MACF1: variants seen among roughly 807,000 people sequenced by gnomAD.
The protein encoded by MACF1 is microtubule-actin cross-linking factor 1.
Under a neutral mutation model 854.8 loss-of-function variants are expected in MACF1, and 193 were observed. That is an observed-to-expected ratio of 0.23 (90% CI 0.20 to 0.25). MACF1 has a LOEUF of 0.25. MACF1 is among the 10% of genes least tolerant of loss of function. The pLI, the probability that MACF1 is intolerant of heterozygous loss-of-function variation, is 1.00. For synonymous variants in MACF1, 3,185 were observed against 3,226.7 expected (o/e 0.99, Z 0.44); for missense variants, 7,722 against 8,929.1 (o/e 0.86, Z 5.45).
Position 39,133,190 on chromosome 1 carries a change from C to G in MACF1, c.220+48752C>G, listed in dbSNP as rs1430463886. On this transcript the variant is annotated intron_variant, in intron 2 of 93. Transcript: ENST00000361689. ...CCTGTCCTCTGTCCTCACTAGCCGA[C>G]TTGGCTGCTTCCACCCTGGGGCTGG... 2.0e-5 allele frequency among the ~76,000 whole-genome samples: 3 copies of G among 152,324 alleles called. No homozygotes were observed. In the East Asian group the frequency reaches 5.8e-4, roughly 29 times the overall value.
intron 1 of MACF1, among the ~76,000 whole-genome samples, chr1:39,229,563 T>A (rs76231802): frequency 0.012 from 1,769 of 152,216 alleles, 31 homozygotes; most frequent in African/African-American, 0.04. Context: ...GTTCTCTGTC[T>A]TGGAAAAGAT....
rs748860971 is a variant in MACF1 at position 39,441,006 on chromosome 1, A to G, written c.18451A>G (p.Ile6151Val). Residue 6151 changes from isoleucine (I) to valine (V), a missense_variant, in exon 73 of 101, where the codon ATT becomes GTT. Physicochemically the swap from Ile to Val is conservative, Grantham distance 29. Transcript: ENST00000564288. The stretch of plus-strand genomic sequence containing the variant: ...TATTCTATTCGTTTACATGTAGACT[A>G]TTAAGGAAGAGACAGATGGTCTGCA... ...IKQQVEAAET[I>V]KEETDGLHEE... 1.2e-5 allele frequency: 20 copies of G among 1,614,178 alleles called. No homozygotes were observed. The highest frequency in any genetic ancestry group is 1.6e-5 in the Non-Finnish European group (19 of 1,180,024).
intron 2 of MACF1, among the ~76,000 whole-genome samples, chr1:39,152,209 G>A (rs989744423): frequency 6.6e-6 from 1 of 152,068 alleles, no homozygotes; most frequent in Admixed American, 6.6e-5. Flanking sequence ...TCCTGACTTT[G>A]TGATCCGCCC....
At chr1:39,207,391 C>T (rs1644463619) in intron 1 of MACF1, among the ~76,000 whole-genome samples, 1 of 151,928 alleles carries the variant, frequency 6.6e-6, no homozygotes, top group Non-Finnish European at 1.5e-5. Flanking sequence ...AGTGATTCTC[C>T]TGCCTCAGTC....
At chr1:39,257,411 T>A (rs1397645253) in intron 5 of MACF1, 1 of 153,044 alleles carries the variant, frequency 6.5e-6, no homozygotes, top group Non-Finnish European at 1.5e-5. Flanking sequence ...CACGCCATTC[T>A]CCTGCCTCAG....
At position 39,332,691 on chromosome 1, in the gene MACF1, T is replaced by C; in HGVS notation, c.6103T>C (p.Trp2035Arg). 1 of 1,614,114 alleles carries C rather than the reference T, an allele frequency of 6.2e-7. No individual in the cohort carries two copies. Among genetic ancestry groups the C allele is most frequent in the Non-Finnish European group, 8.5e-7 (1 of 1,180,006 alleles). The change falls in exon 37 of 101, where the codon TGG becomes CGG. Residue 2035 changes from tryptophan to arginine, a missense_variant. Trp to Arg is a moderately radical substitution (Grantham distance 101). This residue lies in a region of MACF1 where 1,531 missense variants were observed against 1,601.6 expected (regional missense o/e 0.96). Transcript: ENST00000564288. ...AATCTCAGGAACTTTCAGCAGTGGG[T>C]GGACTGTGAGGCTGCCTGAGTTCCA... The part of the protein sequence containing the change: ...VKISGTFSSG[W>R]TVRLPEFQFS...
chr1:39,091,144 C>T (rs957970254), intron 2 of MACF1, among the ~76,000 whole-genome samples: 3 of 152,156 alleles, frequency 2.0e-5, no homozygotes, highest in Non-Finnish European at 4.4e-5. Context: ...AAGCTGTGCC[C>T]CACCCCTACC....
In MACF1 at chr1:39,385,872, C is replaced by T; in HGVS notation, c.14287C>T (p.Leu4763=). The change falls in exon 57 of 101, where the codon CTG becomes TTG. Residue 4763 remains leucine (L), a synonymous_variant. Transcript: ENST00000564288. ...LIGEQYLKDE[L]KKRLETVALP... The stretch of plus-strand genomic sequence containing the variant: ...TGGTGAGCAGTACCTCAAGGATGAA[C>T]TGAAGAAGCGTTTGGAGACAGTTGC... 6.2e-7 allele frequency: 1 copy of T among 1,614,062 alleles called. No homozygotes were observed. The highest frequency in any genetic ancestry group is 2.2e-5 in the East Asian group (1 of 44,882).
rs143702095 is a variant in MACF1 at position 39,412,111 on chromosome 1, T to C, written c.15817-10263T>C. 4.3e-4 allele frequency: 702 copies of C among 1,613,872 alleles called. 2 individuals are homozygous for C. In the African/African-American group the frequency reaches 8.7e-3, roughly 20 times the overall value. ...TCACAGGGTTTCTCATGAAGAAAAA[T>C]TATCAGGCTTCATTGCTTCTGAGCT... On this transcript the variant is annotated intron_variant, in intron 58 of 100. Coordinates refer to ENST00000564288, the MANE Select transcript of MACF1 (RefSeq NM_001394062.1).
intron 52 of MACF1, among the ~76,000 whole-genome samples, chr1:39,375,212 C>T (rs1649611699): frequency 2.0e-5 from 3 of 152,000 alleles, no homozygotes. Context: ...TTATGAAATC[C>T]ATCAGTAAGA....
intron 2 of MACF1, among the ~76,000 whole-genome samples, chr1:39,145,111 A>G (rs1266032291): frequency 6.6e-6 from 1 of 152,076 alleles, no homozygotes; most frequent in African/African-American, 2.4e-5. Flanking sequence ...GTGCCACTGC[A>G]TAACAGTGTG....
chr1:39,222,895 T>C (rs561274824), intron 1 of MACF1, among the ~76,000 whole-genome samples: 1 of 152,210 alleles, frequency 6.6e-6, no homozygotes, highest in Non-Finnish European at 1.5e-5. Context: ...TGGTTCGTAA[T>C]GTACTGGGAC....
At position 39,486,747 on chromosome 1, in the gene MACF1, C is replaced by T. The variant is rs1645105326; in HGVS notation, c.*953C>T. ...TCCTTTAATGGAGTTCACCAGCACA[C>T]TTGTTAACCAGTCCTGTTTGCTTTC... On this transcript the variant is annotated 3_prime_UTR_variant, in exon 101 of 101. Transcript: ENST00000564288. The T allele has an allele frequency of 6.6e-6, 1 of 152,654 alleles. No individual in the cohort carries two copies. The highest frequency in any genetic ancestry group is 1.5e-5 in the Non-Finnish European group (1 of 68,044). 9.5% of individuals were successfully genotyped at this position (152,654 alleles called of 1,614,324 possible). A position where few individuals can be genotyped will look rare whatever the true frequency, so the allele number is the denominator to read the frequency against.
intron 93 of MACF1, among the ~76,000 whole-genome samples, chr1:39,462,429 G>A (rs1644572480): frequency 6.6e-6 from 1 of 152,126 alleles, no homozygotes; most frequent in South Asian, 2.1e-4. Flanking sequence ...AATGGACTGG[G>A]CATGGTGGCT....
intron 97 of MACF1, among the ~76,000 whole-genome samples, chr1:39,474,993 G>A (rs1570215204): frequency 6.6e-6 from 1 of 152,248 alleles, no homozygotes; most frequent in Middle Eastern, 3.4e-3. Context: ...CAAGGTTAGC[G>A]ACCAGATAAG....
intron 58 of MACF1, among the ~76,000 whole-genome samples, chr1:39,419,203 T>C (rs1165543338): frequency 6.6e-6 from 1 of 152,236 alleles, no homozygotes; most frequent in African/African-American, 2.4e-5. Flanking sequence ...TATTTAGAGG[T>C]GCTTTCATAT....
At chr1:39,309,742 T>C (rs1646260596) in intron 24 of MACF1, 46 bp downstream of exon 24, 3 of 1,586,014 alleles carry the variant, frequency 1.9e-6, no homozygotes, top group Non-Finnish European at 2.6e-6. Context: ...ATTGGCAAGA[T>C]TTTTTCAGAA....
chr1:39,446,509 G>T (rs1051630145), intron 80 of MACF1, among the ~76,000 whole-genome samples: 5 of 149,340 alleles, frequency 3.3e-5, no homozygotes, highest in Non-Finnish European at 1.5e-5. Context: ...TTTTTTTGGT[G>T]GGGGGTGGTT....
intron 13 of MACF1, 66 bp from the exon 14 acceptor site, chr1:39,285,538 C>T: frequency 1.3e-6 from 2 of 1,531,350 alleles, no homozygotes; most frequent in Non-Finnish European, 1.8e-6. Context: ...GACTTCTTGG[C>T]TCCCTCTGTC....
Sources: allele counts gnomAD v4.1 joint callset (sites outside exome capture counted in the v4.1 genomes callset), GRCh38; gene constraint gnomAD v4.1.1; regional missense constraint gnomAD v4.1.1; transcripts MANE v1.5; gene names NCBI Gene and HGNC (gene_info 2026-07-23, HGNC 2026-07-21).